Variants in FHIT observed in about 807,000 individuals in gnomAD.
FHIT encodes the protein fragile histidine triad diadenosine triphosphatase.
Under a neutral mutation model 17.9 loss-of-function variants are expected in FHIT, and 19 were observed. The observed-to-expected ratio is 1.06, with a 90% CI of 0.74 to 1.56. FHIT has a LOEUF of 1.56. Ranked by LOEUF, FHIT falls within the 40% of genes most tolerant of loss-of-function variation. FHIT has a pLI of 0.00. For synonymous variants in FHIT, 81 were observed against 69.7 expected (o/e 1.16, Z -0.81); for missense variants, 248 against 189.2 (o/e 1.31, Z -1.82).
chr3:60,306,886 G>A (rs114472258), intron 5 of FHIT, among the ~76,000 whole-genome samples: 2,244 of 152,220 alleles, frequency 0.015, 27 homozygotes, highest in Middle Eastern at 0.034. Flanking sequence ...ATAAAATCAT[G>A]GAGGATTGAT....
rs1158439360 is a variant in FHIT at position 60,860,805 on chromosome 3, A to G, written c.-110-38794T>C. ...TCAGGTATATATGATACATATGTAC[A>G]TATATATCAGGTATATATGATACAT... On this transcript the variant is annotated intron_variant, in intron 3 of 9. Transcript: ENST00000492590. Among the ~76,000 whole-genome samples, 5 of 4,228 alleles carry G rather than the reference A, an allele frequency of 1.2e-3. 1 individual carries two copies. The highest frequency in any genetic ancestry group is 6.8e-3 in the Admixed American group (1 of 146). The allele number at this position is 4,228 out of a possible 152,430, so 2.8% of individuals were successfully genotyped here.
chr3:60,541,216 C>A (rs938785169), intron 4 of FHIT, among the ~76,000 whole-genome samples: 1 of 152,202 alleles, frequency 6.6e-6, no homozygotes, highest in Non-Finnish European at 1.5e-5. Context: ...GCTCTTTATA[C>A]CAAGTCCATC....
intron 5 of FHIT, among the ~76,000 whole-genome samples, chr3:60,259,480 C>G (rs575259976): frequency 6.6e-6 from 1 of 152,226 alleles, no homozygotes; most frequent in African/African-American, 2.4e-5. Context: ...TCAAAACATT[C>G]TGAGGACAGG....
At chr3:60,284,627 T>C (rs1196281344) in intron 5 of FHIT, among the ~76,000 whole-genome samples, 1 of 152,116 alleles carries the variant, frequency 6.6e-6, no homozygotes. Context: ...TTTACACCCA[T>C]TGTTTCTGAG....
At chr3:60,153,376 A>G (rs867639467) in intron 5 of FHIT, among the ~76,000 whole-genome samples, 57 of 151,574 alleles carry the variant, frequency 3.8e-4, no homozygotes, top group African/African-American at 1.3e-3. Context: ...AAAAAAAAAA[A>G]AAAAAAAAAA....
chr3:60,795,231 C>T (rs984820170), intron 4 of FHIT, among the ~76,000 whole-genome samples: 10 of 152,146 alleles, frequency 6.6e-5, no homozygotes, highest in Non-Finnish European at 1.3e-4. Context: ...TACCAGTTTT[C>T]ATTTTTAAAT....
At chr3:60,123,214 A>C (rs1356900648) in intron 5 of FHIT, among the ~76,000 whole-genome samples, 2 of 152,232 alleles carry the variant, frequency 1.3e-5, no homozygotes, top group Non-Finnish European at 2.9e-5. Context: ...AAATCTTTGC[A>C]GTATTAGCAA....
chr3:60,621,450 C>T (rs1162472838), intron 4 of FHIT, among the ~76,000 whole-genome samples: 1 of 152,012 alleles, frequency 6.6e-6, no homozygotes, highest in Non-Finnish European at 1.5e-5. Context: ...TGCCCAGCCC[C>T]AGTCTAATTT....
chr3:60,226,852 C>T (rs1370251047), intron 5 of FHIT, among the ~76,000 whole-genome samples: 1 of 152,166 alleles, frequency 6.6e-6, no homozygotes, highest in Non-Finnish European at 1.5e-5. Flanking sequence ...ATTGTCACGC[C>T]ACTTCTCTAT....
chr3:60,372,719 C>T (rs1202530482), intron 5 of FHIT, among the ~76,000 whole-genome samples: 1 of 152,176 alleles, frequency 6.6e-6, no homozygotes, highest in Non-Finnish European at 1.5e-5. Context: ...ATCTTCCATT[C>T]TCAATTTGCT....
intron 2 of FHIT, among the ~76,000 whole-genome samples, chr3:61,045,545 C>A (rs1010448691): frequency 1.3e-5 from 2 of 152,220 alleles, no homozygotes. Context: ...TAATGGGAGG[C>A]TTTAATACCC....
At position 59,845,343 on chromosome 3, in the gene FHIT, T is replaced by C. The variant is rs575005046; in HGVS notation, c.348+77003A>G. Among the ~76,000 whole-genome samples, 12 of 152,190 alleles carry C rather than the reference T, an allele frequency of 7.9e-5. No individual in the cohort carries two copies. In the East Asian group the frequency reaches 1.5e-3, roughly 20 times the overall value. On this transcript the variant is annotated intron_variant, in intron 8 of 9. Transcript: ENST00000492590. Reference sequence around the variant, plus strand: ...TTCCTTCTGTTAGCTTTGGGGTTAGTGCGTTATTTTTCTAGTTTCTAAGTT... The same window carrying C: ...TTCCTTCTGTTAGCTTTGGGGTTAGCGCGTTATTTTTCTAGTTTCTAAGTT...
intron 5 of FHIT, among the ~76,000 whole-genome samples, chr3:60,486,677 C>G (rs415832): frequency 6.6e-6 from 1 of 151,966 alleles, no homozygotes; most frequent in Non-Finnish European, 1.5e-5. Flanking sequence ...CTTCAAATAT[C>G]AGCTTCAAAG....
At chr3:59,757,181 G>GTTCTTTAGAGGAAAGTGCA (rs1201783330) in intron 8 of FHIT, among the ~76,000 whole-genome samples, 2 of 152,098 alleles carry the variant, frequency 1.3e-5, no homozygotes, top group African/African-American at 4.8e-5. Context: ...CAGAAGCTTT[G>GTTCTTTAGAGGAAAGTGCA]TTCTTTAGAG....
chr3:59,880,651 G>A (rs1448505052), intron 8 of FHIT, among the ~76,000 whole-genome samples: 1 of 152,148 alleles, frequency 6.6e-6, no homozygotes, highest in East Asian at 1.9e-4. Flanking sequence ...AAATGACAGC[G>A]TTTTGAAGAC....
chr3:60,908,909 G>A (rs1337272508), intron 3 of FHIT, among the ~76,000 whole-genome samples: 1 of 152,124 alleles, frequency 6.6e-6, no homozygotes, highest in African/African-American at 2.4e-5. Flanking sequence ...ACACAAAAAT[G>A]ACTAAGACAG....
chr3:61,054,375 A>G (rs2034140583), intron 2 of FHIT, among the ~76,000 whole-genome samples: 1 of 151,338 alleles, frequency 6.6e-6, no homozygotes. Flanking sequence ...TTTTTTCCAG[A>G]AAAAAAGGCA....
chr3:60,999,043 A>C (rs1575817142), intron 3 of FHIT, among the ~76,000 whole-genome samples: 2 of 152,160 alleles, frequency 1.3e-5, no homozygotes, highest in South Asian at 4.1e-4. Flanking sequence ...GTAACATGCA[A>C]ACTACTGTTT....
chr3:60,428,313 A>G (rs992104679), intron 5 of FHIT, among the ~76,000 whole-genome samples: 1 of 152,162 alleles, frequency 6.6e-6, no homozygotes, highest in East Asian at 1.9e-4. Context: ...AAGGAATCCA[A>G]TCAATGATAA....
Sources: gnomAD v4.1 joint callset for allele counts (sites outside exome capture counted in the v4.1 genomes callset) on GRCh38, gnomAD v4.1.1 for gene constraint, MANE v1.5 for transcripts, NCBI Gene and HGNC (gene_info 2026-07-23, HGNC 2026-07-21) for gene names.